MKX: variants seen among roughly 807,000 people sequenced by gnomAD.
MKX encodes the protein homeobox protein Mohawk.
In MKX, 13 loss-of-function variants were observed where a neutral mutation model predicts 36.0. The ratio of observed to expected loss-of-function variants is 0.36; its 90% confidence interval spans 0.24 to 0.57. The LOEUF (loss-of-function observed/expected upper bound fraction) is 0.57, where lower values mean the gene tolerates loss of function less well. MKX is among the 20% of genes least tolerant of loss of function. The pLI, the probability that MKX is intolerant of heterozygous loss-of-function variation, is 0.79. For synonymous variants in MKX, 176 were observed against 178.3 expected (o/e 0.99, Z 0.10); for missense variants, 458 against 456.4 (o/e 1.00, Z -0.03).
At chr10:27,711,499 T>TCCCTTCC (rs1554772224) in intron 5 of MKX, among the ~76,000 whole-genome samples, 2 of 93,076 alleles carry the variant, frequency 2.1e-5, no homozygotes, top group African/African-American at 5.2e-5. Flanking sequence ...CTCTCTCTTC[T>TCCCTTCC]TTCCTTCCTT....
chr10:27,727,643 T>C, intron 5 of MKX, among the ~76,000 whole-genome samples: 1 of 152,222 alleles, frequency 6.6e-6, no homozygotes, highest in East Asian at 1.9e-4. Context: ...GGGTCAGCAT[T>C]TGTATAAATC....
intron 5 of MKX, chr10:27,718,682 AT>A: frequency 3.2e-6 from 1 of 310,106 alleles, no homozygotes; most frequent in Non-Finnish European, 6.5e-6. Context: ...CTCCAGTCAC[AT>A]TTCAAAAGTA....
chr10:27,708,012 G>C (rs575159213), intron 5 of MKX, among the ~76,000 whole-genome samples: 1 of 152,252 alleles, frequency 6.6e-6, no homozygotes, highest in Admixed American at 6.5e-5. Flanking sequence ...AAAATAGTGG[G>C]AGAGTGGGAG....
chr10:27,677,614 C>T (rs2132485521), intron 5 of MKX, among the ~76,000 whole-genome samples: 2 of 152,244 alleles, frequency 1.3e-5, no homozygotes, highest in South Asian at 4.1e-4. Context: ...AGGTGTAGAC[C>T]ACGAGACAAT....
chr10:27,740,608 C>T (rs758279124), intron 3 of MKX, among the ~76,000 whole-genome samples: 19 of 152,114 alleles, frequency 1.2e-4, no homozygotes, highest in Non-Finnish European at 2.6e-4. Flanking sequence ...TGTAAAGTAA[C>T]GTTGTTCACC....
intron 5 of MKX, among the ~76,000 whole-genome samples, chr10:27,706,732 C>A (rs1836763241): frequency 6.6e-6 from 1 of 152,094 alleles, no homozygotes; most frequent in African/African-American, 2.4e-5. Context: ...AAGCCCTTTG[C>A]TCATTTTAAT....
At chr10:27,708,739 A>G (rs1179645903) in intron 5 of MKX, among the ~76,000 whole-genome samples, 5 of 140,492 alleles carry the variant, frequency 3.6e-5, no homozygotes, top group Non-Finnish European at 7.5e-5. Flanking sequence ...AAAAAAAAAA[A>G]ACGACTATTG....
chr10:27,735,696 A>G (rs375903613), intron 3 of MKX, among the ~76,000 whole-genome samples: 83 of 152,330 alleles, frequency 5.4e-4, no homozygotes, highest in South Asian at 4.3e-3. Context: ...TGAATGGCAT[A>G]CAAGACATTA....
chr10:27,698,132 T>C (rs553052153), intron 5 of MKX, among the ~76,000 whole-genome samples: 22 of 152,138 alleles, frequency 1.4e-4, no homozygotes, highest in African/African-American at 4.8e-4. Context: ...TCTGGGAAAG[T>C]GTTTGAGTTT....
At chr10:27,707,625 G>A (rs1024264605) in intron 5 of MKX, among the ~76,000 whole-genome samples, 1 of 152,182 alleles carries the variant, frequency 6.6e-6, no homozygotes, top group African/African-American at 2.4e-5. Flanking sequence ...CAGGCTTGCC[G>A]CCCTGCGTCC....
rs1343071258 is a variant in MKX at position 27,673,603 on chromosome 10, C to G, written c.*1626G>C. The G allele has an allele frequency of 1.3e-5, 2 of 152,390 alleles. No homozygotes were observed. Among genetic ancestry groups the G allele is most frequent in the African/African-American group, 4.8e-5 (2 of 41,396 alleles). The allele number at this position is 152,390 out of a possible 1,614,324, so 9.4% of individuals were successfully genotyped here. On this transcript the variant is annotated 3_prime_UTR_variant, in exon 7 of 7. Coordinates refer to ENST00000419761, the MANE Select transcript of MKX (RefSeq NM_173576.3). ...ACTTATATATTTTGCTTTGCGCTTA[C>G]TGTTACTGCAAACAGCAATTTAGAA... is the stretch of plus-strand genomic sequence containing the variant.
Position 27,691,098 on chromosome 10 carries a change from C to A in MKX, c.839-15544G>T, listed in dbSNP as rs2815564. On this transcript the variant is annotated intron_variant, in intron 5 of 6. Transcript: ENST00000419761. ...ACACAGAACTGTGAGTAAATCAAACCTCCTTTGTTTATAAATGACCCAGTC... is the reference window on the plus strand; with the variant it reads ...ACACAGAACTGTGAGTAAATCAAACATCCTTTGTTTATAAATGACCCAGTC... 5.3e-5 allele frequency among the ~76,000 whole-genome samples: 8 copies of A among 152,114 alleles called. No homozygotes were observed. In the South Asian group the frequency reaches 1.5e-3, roughly 28 times the overall value.
At chr10:27,726,711 TTAA>T (rs1287851778) in intron 5 of MKX, among the ~76,000 whole-genome samples, 1 of 10,500 alleles carries the variant, frequency 9.5e-5, no homozygotes, top group African/African-American at 3.8e-4. Context: ...GCTTCATTGT[TTAA>T]TTTTTTTTTT....
chr10:27,736,919 C>G (rs1480252123), intron 3 of MKX, among the ~76,000 whole-genome samples: 2 of 152,120 alleles, frequency 1.3e-5, no homozygotes, highest in African/African-American at 2.4e-5. Context: ...CTTCTTCCTG[C>G]TAAGCTATGT....
At chr10:27,694,660 A>C (rs1289306324) in intron 5 of MKX, among the ~76,000 whole-genome samples, 2 of 143,010 alleles carry the variant, frequency 1.4e-5, no homozygotes, top group Non-Finnish European at 1.5e-5. Context: ...GTGCCACTGC[A>C]CTCCAGCCTG....
intron 5 of MKX, among the ~76,000 whole-genome samples, chr10:27,686,723 CG>C (rs1193186164): frequency 6.6e-6 from 1 of 152,160 alleles, no homozygotes; most frequent in Non-Finnish European, 1.5e-5. Context: ...GTGATCCGCC[CG>C]CCTTGGCCTC....
chr10:27,703,183 T>C (rs1218992635), intron 5 of MKX, among the ~76,000 whole-genome samples: 1 of 152,150 alleles, frequency 6.6e-6, no homozygotes. Context: ...GCATTCTCTG[T>C]AGGAGGAAAA....
At chr10:27,727,286 G>T (rs1589688921) in intron 5 of MKX, among the ~76,000 whole-genome samples, 1 of 152,106 alleles carries the variant, frequency 6.6e-6, no homozygotes, top group Admixed American at 6.5e-5. Flanking sequence ...GATTTTTCGG[G>T]CTCTCACGTG....
At chr10:27,715,853 T>C (rs756422619) in intron 5 of MKX, among the ~76,000 whole-genome samples, 21 of 151,850 alleles carry the variant, frequency 1.4e-4, no homozygotes, top group Non-Finnish European at 1.5e-4. Flanking sequence ...AGAGGACCTA[T>C]GGGATGGGCT....
Sources: allele counts gnomAD v4.1 joint callset (sites outside exome capture counted in the v4.1 genomes callset), GRCh38; gene constraint gnomAD v4.1.1; transcripts MANE v1.5; gene names NCBI Gene and HGNC (gene_info 2026-07-23, HGNC 2026-07-21).